The following MAPK4 variants were observed in gnomAD, a reference collection of about 807,000 sequenced individuals.
MAPK4 encodes Erk3-related.
In MAPK4, 22 loss-of-function variants were observed where a neutral mutation model predicts 47.7. The observed-to-expected ratio is 0.46, with a 90% CI of 0.33 to 0.66. MAPK4 has a LOEUF of 0.66. Among genes scored for constraint, MAPK4 ranks in the 30% least tolerant of loss-of-function variants. The probability of loss-of-function intolerance (pLI) is 0.02; values close to 1 mark genes in which losing one functional copy is unlikely to be tolerated. For synonymous variants in MAPK4, 390 were observed against 365.7 expected, an observed-to-expected ratio of 1.07 and a Z score of -0.76; for missense variants, 736 against 831.7, an observed-to-expected ratio of 0.88 and a Z score of 1.42.
At chr18:50,677,961 A>G (rs1908372544) in intron 2 of MAPK4, among the ~76,000 whole-genome samples, 1 of 152,118 alleles carries the variant, frequency 6.6e-6, no homozygotes, top group Non-Finnish European at 1.5e-5. Flanking sequence ...GGTGGGTTCC[A>G]TGCCCCCGGG....
At chr18:50,562,418 T>TA (rs35910187) in intron 1 of MAPK4, among the ~76,000 whole-genome samples, 33 of 137,820 alleles carry the variant, frequency 2.4e-4, no homozygotes, top group Non-Finnish European at 4.0e-4. Context: ...TTTTGGCCAA[T>TA]AAAAAAAAAA....
At chr18:50,687,423 C>A (rs1360004813) in intron 2 of MAPK4, among the ~76,000 whole-genome samples, 3 of 152,220 alleles carry the variant, frequency 2.0e-5, no homozygotes, top group Admixed American at 2.0e-4. Flanking sequence ...CTAGACATTG[C>A]CAAATATCCT....
intron 2 of MAPK4, among the ~76,000 whole-genome samples, chr18:50,703,907 G>C (rs6508027): frequency 0.65 from 98,057 of 151,970 alleles, 32,066 homozygotes; most frequent in East Asian, 0.8. Flanking sequence ...AAAACAGCAA[G>C]TCTGTAGGTG....
chr18:50,649,996 G>A (rs2043031493), intron 1 of MAPK4, among the ~76,000 whole-genome samples: 1 of 152,176 alleles, frequency 6.6e-6, no homozygotes, highest in African/African-American at 2.4e-5. Flanking sequence ...CCCTGATCTG[G>A]GTTCCCAGTG....
At chr18:50,570,934 G>C (rs927626772) in intron 1 of MAPK4, among the ~76,000 whole-genome samples, 1 of 152,140 alleles carries the variant, frequency 6.6e-6, no homozygotes, top group Non-Finnish European at 1.5e-5. Flanking sequence ...GTGTGGGAGT[G>C]GGGTGGTGGC....
intron 1 of MAPK4, among the ~76,000 whole-genome samples, chr18:50,578,018 G>A (rs2042312900): frequency 6.6e-6 from 1 of 152,206 alleles, no homozygotes; most frequent in Non-Finnish European, 1.5e-5. Context: ...GTGTAGTTCA[G>A]CAAGTGTTGA....
chr18:50,607,963 C>G (rs2042596800), intron 1 of MAPK4, among the ~76,000 whole-genome samples: 1 of 152,212 alleles, frequency 6.6e-6, no homozygotes, highest in East Asian at 1.9e-4. Context: ...ATTGAAGACA[C>G]TATCCATTAT....
chr18:50,610,424 T>A (rs2042622844), intron 1 of MAPK4, among the ~76,000 whole-genome samples: 1 of 152,202 alleles, frequency 6.6e-6, no homozygotes, highest in African/African-American at 2.4e-5. Context: ...ATGGTGAGGC[T>A]GGTTCTGGGA....
At chr18:50,594,610 A>G (rs544991489) in intron 1 of MAPK4, among the ~76,000 whole-genome samples, 2 of 152,370 alleles carry the variant, frequency 1.3e-5, no homozygotes, top group African/African-American at 2.4e-5. Flanking sequence ...GAGATAGTTC[A>G]TAAGCTTCAT....
At chr18:50,632,248 G>A (rs11660924) in intron 1 of MAPK4, among the ~76,000 whole-genome samples, 56,063 of 152,078 alleles carry the variant, frequency 0.37, 10,650 homozygotes, top group African/African-American at 0.45. Context: ...CAAATTTCAC[G>A]TGGCTGGGAG....
At position 50,664,063 on chromosome 18, in the gene MAPK4, G is replaced by C; in HGVS notation, c.105G>C (p.Leu35=). ...GCTTCGGTGTCAATGGTTTGGTGCT[G>C]TCGGCCGTGGACAGCCGGGCCTGCC... ...PLGFGVNGLV[L]SAVDSRACRK... Residue 35 remains leucine (L), a synonymous_variant, in exon 2 of 6, where the codon CTG becomes CTC. Coordinates refer to ENST00000400384, the MANE Select transcript of MAPK4 (RefSeq NM_002747.4). The surrounding 1 kb of genome is among the most constrained non-coding windows in gnomAD (Gnocchi z 6.0). 6.2e-7 allele frequency: 1 copy of C among 1,613,876 alleles called. No homozygotes were observed. The highest frequency in any genetic ancestry group is 8.5e-7 in the Non-Finnish European group (1 of 1,180,032).
intron 1 of MAPK4, among the ~76,000 whole-genome samples, chr18:50,652,138 G>A (rs1415477732): frequency 6.6e-6 from 1 of 152,208 alleles, no homozygotes; most frequent in African/African-American, 2.4e-5. Context: ...TTGCTGGAGT[G>A]CTCACAGGCA....
At chr18:50,677,090 G>A (rs1011589692) in intron 2 of MAPK4, among the ~76,000 whole-genome samples, 24 of 152,184 alleles carry the variant, frequency 1.6e-4, no homozygotes, top group African/African-American at 3.9e-4. Context: ...TGTGAACTGC[G>A]CATACAAGGA....
chr18:50,710,491 A>G (rs1466938152), intron 2 of MAPK4, among the ~76,000 whole-genome samples: 1 of 149,398 alleles, frequency 6.7e-6, no homozygotes, highest in African/African-American at 2.5e-5. Flanking sequence ...TCAAATAAAT[A>G]AATAGGCCAG....
At chr18:50,582,204 T>G (rs947134448) in intron 1 of MAPK4, among the ~76,000 whole-genome samples, 2 of 152,226 alleles carry the variant, frequency 1.3e-5, no homozygotes, top group Non-Finnish European at 1.5e-5. Flanking sequence ...ACCACTGGGC[T>G]GGCTGATTAT....
intron 2 of MAPK4, among the ~76,000 whole-genome samples, chr18:50,677,650 A>G (rs1908353948): frequency 6.6e-6 from 1 of 151,908 alleles, no homozygotes; most frequent in Admixed American, 6.6e-5. Context: ...TCTCCCAAGC[A>G]ATCCTCCTGC....
At chr18:50,692,490 CT>C (rs1397241364) in intron 2 of MAPK4, among the ~76,000 whole-genome samples, 5 of 152,146 alleles carry the variant, frequency 3.3e-5, no homozygotes, top group African/African-American at 1.2e-4. Flanking sequence ...ATTATGTGAC[CT>C]TAGGCAAGCT....
Position 50,729,673 on chromosome 18 carries a change from C to T in MAPK4, c.1583C>T (p.Pro528Leu), listed in dbSNP as rs757385194. The stretch of plus-strand genomic sequence containing the variant: ...GCCTCGCCCCCCGGCCGCCCGGCCC[C>T]GGTGGACGGCGGCGCCAGCCCCCAG... The part of the protein sequence containing the change: ...LSASPPGRPA[P>L]VDGGASPQFD... The change falls in exon 6 of 6, where the codon CCG becomes CTG. Residue 528 changes from proline (P) to leucine (L), a missense_variant. This residue lies in a region of MAPK4 where 377 missense variants were observed against 378.6 expected (regional missense o/e 1.00). Coordinates refer to ENST00000400384, the MANE Select transcript of MAPK4 (RefSeq NM_002747.4). 69 of 1,526,076 alleles carry T rather than the reference C, an allele frequency of 4.5e-5. No homozygotes were observed. Among genetic ancestry groups the T allele is most frequent in the Non-Finnish European group, 5.7e-5 (65 of 1,130,664 alleles). The allele number at this position is 1,526,076 out of a possible 1,614,324, so 94.5% of individuals were successfully genotyped here. A position where few individuals can be genotyped will look rare whatever the true frequency, so the allele number is the denominator to read the frequency against.
chr18:50,729,326 G>A lies in MAPK4; in HGVS notation c.1236G>A (p.Ser412=). Residue 412 remains serine (S), a synonymous_variant, in exon 6 of 6, where the codon TCG becomes TCA. Transcript: ENST00000400384. The part of the protein sequence containing the change: ...HSSSERFLEQ[S]HSSMERAFEA... ...GCTCCGAGCGCTTCCTAGAGCAGTC[G>A]CACTCGTCCATGGAGCGCGCCTTCG... 2 of 1,597,476 alleles carry A rather than the reference G, an allele frequency of 1.3e-6. No homozygotes were observed. The highest frequency in any genetic ancestry group is 2.3e-5 in the East Asian group (1 of 44,242).
Sources: allele counts gnomAD v4.1 joint callset (sites outside exome capture counted in the v4.1 genomes callset), GRCh38; gene constraint gnomAD v4.1.1; regional missense constraint gnomAD v4.1.1; non-coding constraint Gnocchi (gnomAD v3.1); transcripts MANE v1.5; gene names NCBI Gene and HGNC (gene_info 2026-07-23, HGNC 2026-07-21).